Variants in ANAPC10 observed in about 807,000 individuals in gnomAD.
ANAPC10 encodes the protein anaphase-promoting complex subunit 10.
ANAPC10 carries 12 observed loss-of-function variants against 22.0 expected under a neutral mutation model. The ratio of observed to expected loss-of-function variants is 0.55; its 90% CI spans 0.35 to 0.88. The LOEUF (loss-of-function observed/expected upper bound fraction) is 0.88. ANAPC10 is among the 40% of genes least tolerant of loss of function. The pLI, the probability that ANAPC10 is intolerant of heterozygous loss-of-function variation, is 0.01. For missense variants in ANAPC10, 188 were observed against 220.9 expected, an observed-to-expected ratio of 0.85 and a Z score of 0.94; for synonymous variants, 65 against 69.5, an observed-to-expected ratio of 0.94 and a Z score of 0.32.
intron 2 of ANAPC10, among the ~76,000 whole-genome samples, chr4:145,092,112 C>T (rs921635804): frequency 1.3e-5 from 2 of 151,996 alleles, no homozygotes; most frequent in Admixed American, 6.6e-5. Flanking sequence ...AGGAGCTAAA[C>T]AATGACAACA....
At chr4:145,053,410 C>T (rs550716828) in intron 4 of ANAPC10, among the ~76,000 whole-genome samples, 2 of 152,320 alleles carry the variant, frequency 1.3e-5, no homozygotes, top group South Asian at 2.1e-4. Flanking sequence ...GCTTCCTCTA[C>T]GTACTGCCTC....
chr4:145,075,170 A>C lies in ANAPC10; in HGVS notation c.206+6490T>G, dbSNP rs1470904480. ...ATCCCAAAATCATACTAGCTTTTTTAGCAACCACATCACACTGTTAATTGA... is the reference window on the plus strand; with the variant it reads ...ATCCCAAAATCATACTAGCTTTTTTCGCAACCACATCACACTGTTAATTGA... On this transcript the variant is annotated intron_variant, in intron 3 of 4. Coordinates refer to ENST00000507656, the MANE Select transcript of ANAPC10 (RefSeq NM_001256706.2). Among the ~76,000 whole-genome samples, 3 of 152,166 alleles carry C rather than the reference A, an allele frequency of 2.0e-5. No individual in the cohort carries two copies. The East Asian group carries it at 5.8e-4, about 29-fold the overall frequency.
At chr4:145,063,799 GAC>G (rs1743256747) in intron 4 of ANAPC10, among the ~76,000 whole-genome samples, 1 of 152,090 alleles carries the variant, frequency 6.6e-6, no homozygotes, top group Non-Finnish European at 1.5e-5. Flanking sequence ...ATGAAGCAGT[GAC>G]ACATTCAACT....
intron 4 of ANAPC10, among the ~76,000 whole-genome samples, chr4:145,025,340 C>T (rs555429019): frequency 6.7e-6 from 1 of 150,282 alleles, no homozygotes; most frequent in African/African-American, 2.4e-5. Context: ...ACGCCCCCCC[C>T]CCCTTTTAAG....
chr4:145,049,480 C>A (rs1740790214), intron 4 of ANAPC10, among the ~76,000 whole-genome samples: 1 of 152,214 alleles, frequency 6.6e-6, no homozygotes, highest in African/African-American at 2.4e-5. Flanking sequence ...CACCTTCACA[C>A]ACTAAAAACT....
rs371419563 is a variant in ANAPC10, at chr4:145,012,197, C to T, written c.328-16594G>A. On this transcript the variant is annotated intron_variant, in intron 4 of 4. Coordinates refer to ENST00000507656, the MANE Select transcript of ANAPC10 (RefSeq NM_001256706.2). ...GTGTGTATATATATATATATATATACACACACACATATATATACATATATA... is the reference window on the plus strand; with the variant it reads ...GTGTGTATATATATATATATATATATACACACACATATATATACATATATA... 1.1e-3 allele frequency among the ~76,000 whole-genome samples: 100 copies of T among 90,252 alleles called. 1 individual carries two copies. The highest frequency in any genetic ancestry group is 1.8e-3 in the Non-Finnish European group (76 of 43,038). The allele number at this position is 90,252 out of a possible 152,430, so 59.2% of individuals were successfully genotyped here.
intron 4 of ANAPC10, among the ~76,000 whole-genome samples, chr4:145,062,814 C>T (rs1743101751): frequency 6.6e-6 from 1 of 151,918 alleles, no homozygotes; most frequent in South Asian, 2.1e-4. Context: ...TATATATACC[C>T]AATGGAATAT....
chr4:145,063,938 A>G (rs1743281784), intron 4 of ANAPC10: 1 of 152,054 alleles, frequency 6.6e-6, no homozygotes, highest in Non-Finnish European at 1.5e-5. Context: ...AAAATCAATC[A>G]ATCAATAAAA....
At chr4:145,050,603 G>GT (rs1204912505) in intron 4 of ANAPC10, among the ~76,000 whole-genome samples, 1 of 152,182 alleles carries the variant, frequency 6.6e-6, no homozygotes, top group Non-Finnish European at 1.5e-5. Context: ...GTTGCTTGGT[G>GT]TATCTACCCT....
chr4:145,098,112 A>C lies in ANAPC10; in HGVS notation c.-13+8T>G, dbSNP rs959195501. 2.0e-5 allele frequency: 3 copies of C among 152,592 alleles called. No homozygotes were observed. The highest frequency in any genetic ancestry group is 4.4e-5 in the Non-Finnish European group (3 of 68,328). 9.5% of individuals were successfully genotyped at this position (152,592 alleles called of 1,614,324 possible). A position where few individuals can be genotyped will look rare whatever the true frequency, so the allele number is the denominator to read the frequency against. On this transcript the variant is annotated splice_region_variant and intron_variant, in intron 1 of 4. Transcript: ENST00000507656. The stretch of plus-strand genomic sequence containing the variant: ...CGCTCGACGTCGGAGAAAAGCCCAC[A>C]CACTCACAGTTTCCAGACCTGGCTG...
intron 4 of ANAPC10, among the ~76,000 whole-genome samples, chr4:145,052,678 G>A (rs1009896753): frequency 6.6e-6 from 1 of 152,078 alleles, no homozygotes; most frequent in African/African-American, 2.4e-5. Context: ...GGCGGGCACA[G>A]ATCACATGGT....
chr4:145,081,821 A>G, intron 2 of ANAPC10, 71 bp from the exon 3 acceptor site: 1 of 1,047,078 alleles, frequency 9.6e-7, no homozygotes, highest in South Asian at 1.4e-5. Flanking sequence ...CATAAAATTA[A>G]CATATGTATT....
intron 3 of ANAPC10, among the ~76,000 whole-genome samples, chr4:145,070,231 C>T (rs1322296121): frequency 1.3e-5 from 2 of 152,144 alleles, no homozygotes; most frequent in South Asian, 2.1e-4. Context: ...AGTGACACTC[C>T]GTCATATACA....
intron 3 of ANAPC10, among the ~76,000 whole-genome samples, chr4:145,066,001 TAAAAACCC>T (rs931591417): frequency 3.4e-4 from 51 of 152,180 alleles, no homozygotes; most frequent in Admixed American, 8.5e-4. Flanking sequence ...TAGGTGATTT[TAAAAACCC>T]AAAAACCCAT....
intron 4 of ANAPC10, among the ~76,000 whole-genome samples, chr4:145,059,530 C>T (rs1170142759): frequency 6.6e-6 from 1 of 152,004 alleles, no homozygotes; most frequent in Non-Finnish European, 1.5e-5. Context: ...ATATTTTATC[C>T]TTTCATGGCC....
chr4:145,016,862 A>G (rs1033075076), intron 4 of ANAPC10, among the ~76,000 whole-genome samples: 1 of 152,164 alleles, frequency 6.6e-6, no homozygotes, highest in African/African-American at 2.4e-5. Context: ...CAAAAACAAG[A>G]AATGGGGAAA....
chr4:145,009,181 G>A (rs915189293), intron 4 of ANAPC10, among the ~76,000 whole-genome samples: 1 of 152,086 alleles, frequency 6.6e-6, no homozygotes, highest in African/African-American at 2.4e-5. Flanking sequence ...CGAAATAAAA[G>A]AGGACACAAA....
chr4:145,005,282 A>T (rs145088560), intron 4 of ANAPC10, among the ~76,000 whole-genome samples: 183 of 152,242 alleles, frequency 1.2e-3, no homozygotes, highest in African/African-American at 3.8e-3. Flanking sequence ...ATAGTCTCTC[A>T]GGGATTTTGG....
intron 2 of ANAPC10, among the ~76,000 whole-genome samples, chr4:145,092,791 C>T (rs1362021783): frequency 6.6e-6 from 1 of 152,158 alleles, no homozygotes; most frequent in East Asian, 1.9e-4. Context: ...GAGGAAAGGA[C>T]TTAAGCTACT....
Sources: allele counts gnomAD v4.1 joint callset (sites outside exome capture counted in the v4.1 genomes callset), GRCh38; gene constraint gnomAD v4.1.1; transcripts MANE v1.5; gene names NCBI Gene and HGNC (gene_info 2026-07-23, HGNC 2026-07-21).